Variants in MAGI2 observed in about 807,000 individuals in gnomAD.
MAGI2 encodes membrane associated guanylate kinase, WW and PDZ domain containing 2, also known as membrane-associated guanylate kinase, WW and PDZ domain-containing protein 2.
Under a neutral mutation model 133.3 loss-of-function variants are expected in MAGI2, and 35 were observed. That is an observed-to-expected ratio of 0.26 (90% CI 0.20 to 0.35). The LOEUF (loss-of-function observed/expected upper bound fraction) is 0.35, where lower values mean the gene tolerates loss of function less well. MAGI2 is among the 10% of genes least tolerant of loss of function. The pLI, the probability that MAGI2 is intolerant of heterozygous loss-of-function variation, is 1.00. For missense variants in MAGI2, 1,636 were observed against 1,863.4 expected, an observed-to-expected ratio of 0.88 and a Z score of 2.25; for synonymous variants, 729 against 710.6, an observed-to-expected ratio of 1.03 and a Z score of -0.41.
At chr7:78,373,148 CA>C (rs1554373494) in intron 6 of MAGI2, among the ~76,000 whole-genome samples, 1 of 152,076 alleles carries the variant, frequency 6.6e-6, no homozygotes, top group Non-Finnish European at 1.5e-5. Context: ...TCATGAGAAA[CA>C]TATGACAAAC....
intron 1 of MAGI2, among the ~76,000 whole-genome samples, chr7:79,205,505 G>A (rs1828967854): frequency 6.6e-6 from 1 of 151,828 alleles, no homozygotes; most frequent in African/African-American, 2.4e-5. Context: ...TCTTTGAGTT[G>A]AAAGAAACAG....
chr7:78,608,639 G>T (rs1375254610), intron 3 of MAGI2, among the ~76,000 whole-genome samples: 2 of 151,982 alleles, frequency 1.3e-5, no homozygotes, highest in African/African-American at 4.8e-5. Flanking sequence ...TTACAATTTA[G>T]TCCCTGGTAT....
chr7:79,371,151 T>C (rs1325847422), intron 1 of MAGI2, among the ~76,000 whole-genome samples: 3 of 152,286 alleles, frequency 2.0e-5, no homozygotes, highest in South Asian at 4.1e-4. Context: ...GATAACAGTT[T>C]ATTTATTCCT....
intron 1 of MAGI2, among the ~76,000 whole-genome samples, chr7:79,266,620 G>A (rs889744048): frequency 2.0e-5 from 3 of 152,086 alleles, no homozygotes; most frequent in Admixed American, 6.5e-5. Context: ...ACCCATTGCC[G>A]TCCATCATTA....
chr7:78,705,001 T>C (rs909694590), intron 2 of MAGI2, among the ~76,000 whole-genome samples: 1 of 151,900 alleles, frequency 6.6e-6, no homozygotes, highest in Non-Finnish European at 1.5e-5. Context: ...GGGGCCTACT[T>C]GAGGGTAGAG....
chr7:78,696,040 A>G (rs1817481871), intron 2 of MAGI2, among the ~76,000 whole-genome samples: 1 of 152,082 alleles, frequency 6.6e-6, no homozygotes, highest in Non-Finnish European at 1.5e-5. Flanking sequence ...GGCTCAAGTG[A>G]TTCTCCCACT....
At chr7:78,890,259 C>G (rs984234193) in intron 2 of MAGI2, among the ~76,000 whole-genome samples, 6 of 152,146 alleles carry the variant, frequency 3.9e-5, no homozygotes, top group Non-Finnish European at 8.8e-5. Flanking sequence ...GAGACTTAGA[C>G]AACCACACAA....
chr7:78,316,045 A>T (rs1443508450), intron 9 of MAGI2, among the ~76,000 whole-genome samples: 1 of 152,196 alleles, frequency 6.6e-6, no homozygotes. Context: ...AATATATCCC[A>T]GAGTCCACTG....
rs190546759 is a variant in MAGI2, at chr7:79,311,987, C to A, written c.301+141033G>T. Among the ~76,000 whole-genome samples the A allele has an allele frequency of 5.3e-5, 8 of 152,220 alleles. No homozygotes were observed. The East Asian group carries it at 9.7e-4, about 18-fold the overall frequency. Reference sequence around the variant, plus strand: ...CTCTTACTGCCTCTATTGCTAACATCCCAGTCTAAACCTCTCATATTTTTC... The same window carrying A: ...CTCTTACTGCCTCTATTGCTAACATACCAGTCTAAACCTCTCATATTTTTC... On this transcript the variant is annotated intron_variant, in intron 1 of 21. Transcript: ENST00000354212.
chr7:78,935,242 A>G (rs1800426479), intron 2 of MAGI2, among the ~76,000 whole-genome samples: 1 of 152,192 alleles, frequency 6.6e-6, no homozygotes, highest in Non-Finnish European at 1.5e-5. Flanking sequence ...TATAATAAAT[A>G]GTCTTTTTTT....
intron 6 of MAGI2, among the ~76,000 whole-genome samples, chr7:78,415,790 T>C (rs932509437): frequency 2.3e-4 from 35 of 152,126 alleles, no homozygotes; most frequent in Non-Finnish European, 5.9e-5. Context: ...TAAGCAGATA[T>C]TCTGTCAGAC....
chr7:78,078,812 GTA>G lies in MAGI2; in HGVS notation c.3706+133_3706+134del, dbSNP rs34931672. ...TATGTGTGTGTGTGTGTGTGTGTGTGTATATATATACCTATTGATAGCTAAAT... is the reference window on the plus strand; with the variant it reads ...TATGTGTGTGTGTGTGTGTGTGTGTGTATATATACCTATTGATAGCTAAAT... On this transcript the variant is annotated intron_variant, in intron 21 of 21. Coordinates refer to ENST00000354212, the MANE Select transcript of MAGI2 (RefSeq NM_012301.4). The G allele has an allele frequency of 6.4e-3, 3,729 of 581,956 alleles. 76 individuals carry two copies. The highest frequency in any genetic ancestry group is 7.7e-3 in the Middle Eastern group (22 of 2,850). 36.0% of individuals were successfully genotyped at this position (581,956 alleles called of 1,614,324 possible).
chr7:78,085,196 G>A (rs1816483759), intron 20 of MAGI2, among the ~76,000 whole-genome samples: 1 of 152,120 alleles, frequency 6.6e-6, no homozygotes, highest in Admixed American at 6.5e-5. Flanking sequence ...AAAACTGTCT[G>A]AGACTCTCTT....
Position 78,282,647 on chromosome 7 carries a change from A to C in MAGI2, c.1409-26066T>G, listed in dbSNP as rs1400249687. ...TTTTCTGCATACAATTCCTAATCCA[A>C]CTTTGTACTTAGGTAATAAATAAAT... On this transcript the variant is annotated intron_variant, in intron 9 of 21. Transcript: ENST00000354212. Among the ~76,000 whole-genome samples, 5 of 152,072 alleles carry C rather than the reference A, an allele frequency of 3.3e-5. No homozygotes were observed. In the East Asian group the frequency reaches 9.6e-4, roughly 29 times the overall value.
chr7:79,325,782 C>T (rs1422845313), intron 1 of MAGI2, among the ~76,000 whole-genome samples: 2 of 152,136 alleles, frequency 1.3e-5, no homozygotes, highest in Non-Finnish European at 2.9e-5. Context: ...CCTCCAAATA[C>T]GCATTCACAA....
intron 3 of MAGI2, among the ~76,000 whole-genome samples, chr7:78,552,341 G>A (rs752460291): frequency 4.0e-5 from 6 of 151,798 alleles, no homozygotes; most frequent in Non-Finnish European, 8.8e-5. Flanking sequence ...GCATCACCAC[G>A]CCTACCTAAT....
At chr7:79,228,370 A>AAAAAAAAAAAAAAAAAAAAAAAG (rs1491129211) in intron 1 of MAGI2, among the ~76,000 whole-genome samples, 1 of 147,256 alleles carries the variant, frequency 6.8e-6, no homozygotes, top group African/African-American at 2.5e-5. Context: ...AAAAAAAAAA[A>AAAAAAAAAAAAAAAAAAAAAAAG]GATCGTGGGA....
At chr7:78,406,917 T>C (rs1255772505) in intron 6 of MAGI2, among the ~76,000 whole-genome samples, 1 of 152,080 alleles carries the variant, frequency 6.6e-6, no homozygotes, top group Non-Finnish European at 1.5e-5. Flanking sequence ...TATAAGATTA[T>C]ACACACCATA....
At chr7:78,972,242 A>C (rs1584541076) in intron 2 of MAGI2, among the ~76,000 whole-genome samples, 1 of 152,072 alleles carries the variant, frequency 6.6e-6, no homozygotes. Context: ...AACCTGCTAA[A>C]ATATACTTCT....
Sources: allele counts gnomAD v4.1 joint callset (sites outside exome capture counted in the v4.1 genomes callset), GRCh38; gene constraint gnomAD v4.1.1; transcripts MANE v1.5; gene names NCBI Gene and HGNC (gene_info 2026-07-23, HGNC 2026-07-21).